Variants in OPHN1 observed in about 807,000 individuals in gnomAD.
OPHN1 encodes oligophrenin 1.
In OPHN1, 11 loss-of-function variants were observed where a neutral mutation model predicts 60.7. That is an observed-to-expected ratio of 0.18 (90% CI 0.11 to 0.30). The LOEUF (loss-of-function observed/expected upper bound fraction) is 0.30. OPHN1 is among the 10% of genes least tolerant of loss of function. The pLI is 1.00. For synonymous variants in OPHN1, 226 were observed against 222.6 expected, an observed-to-expected ratio of 1.02 and a Z score of -0.14; for missense variants, 449 against 611.0, an observed-to-expected ratio of 0.73 and a Z score of 2.80.
intron 15 of OPHN1, among the ~76,000 whole-genome samples, chrX:68,155,474 T>C (rs959664057): frequency 5.4e-5 from 6 of 112,068 alleles, no homozygotes; most frequent in Admixed American, 9.4e-5. Flanking sequence ...AGAAGGTCCT[T>C]GCTTCCCCTT....
rs1173184074 is a variant in OPHN1 at position 68,045,931 on chromosome X, G to A, written c.*1241C>T. 3.6e-5 allele frequency: 4 copies of A among 111,753 alleles called. No homozygotes were observed. Among genetic ancestry groups the A allele is most frequent in the Non-Finnish European group, 7.5e-5 (4 of 53,161 alleles). 9.2% of individuals were successfully genotyped at this position (111,753 alleles called of 1,213,427 possible). A position where few individuals can be genotyped will look rare whatever the true frequency, so the allele number is the denominator to read the frequency against. ...CTGGGACCTGAGATCTTGTACTGGT[G>A]TGATCACTACCTTGCTCTGCCTCAG... On this transcript the variant is annotated 3_prime_UTR_variant, in exon 25 of 25. Transcript: ENST00000355520.
chrX:68,357,498 C>T lies in OPHN1; in HGVS notation c.155-58402G>A, dbSNP rs552119608. 2.4e-4 allele frequency among the ~76,000 whole-genome samples: 26 copies of T among 108,303 alleles called. No individual in the cohort carries two copies. In the South Asian group the frequency reaches 8.3e-3, roughly 35 times the overall value. The allele number at this position is 108,303 out of a possible 115,157, so 94.0% of individuals were successfully genotyped here. A position where few individuals can be genotyped will look rare whatever the true frequency, so the allele number is the denominator to read the frequency against. The stretch of plus-strand genomic sequence containing the variant: ...ATTCCCACCTATGAGTGAGAACATG[C>T]GGCGTTTGGTTTTTTGTCCTTGCGA... On this transcript the variant is annotated intron_variant, in intron 2 of 24. Coordinates refer to ENST00000355520, the MANE Select transcript of OPHN1 (RefSeq NM_002547.3).
chrX:68,252,569 G>C (rs2077841440), intron 5 of OPHN1, among the ~76,000 whole-genome samples: 1 of 111,972 alleles, frequency 8.9e-6, no homozygotes, highest in Non-Finnish European at 1.9e-5. Flanking sequence ...CTGCATCATA[G>C]AGTTGTCGAA....
intron 2 of OPHN1, among the ~76,000 whole-genome samples, chrX:68,341,537 T>G (rs902731902): frequency 9.0e-6 from 1 of 111,697 alleles, no homozygotes; most frequent in Non-Finnish European, 1.9e-5. Context: ...TTAAAACAGA[T>G]TTAAGAAACA....
chrX:68,281,360 G>A lies in OPHN1; in HGVS notation c.312+1696C>T, dbSNP rs1262213502. ...TCAAAAAACAGTGTTGGAGCAACTGGATATCCACATGCAAAACAGTGAATC... is the reference window on the plus strand; with the variant it reads ...TCAAAAAACAGTGTTGGAGCAACTGAATATCCACATGCAAAACAGTGAATC... On this transcript the variant is annotated intron_variant, in intron 4 of 24. Coordinates refer to ENST00000355520, the MANE Select transcript of OPHN1 (RefSeq NM_002547.3). Among the ~76,000 whole-genome samples the A allele has an allele frequency of 4.5e-5, 5 of 112,020 alleles. No individual in the cohort carries two copies. The East Asian group carries it at 1.4e-3, about 31-fold the overall frequency.
At chrX:68,231,248 G>C (rs1234231304) in intron 6 of OPHN1, among the ~76,000 whole-genome samples, 1 of 111,765 alleles carries the variant, frequency 8.9e-6, no homozygotes, top group Non-Finnish European at 1.9e-5. Context: ...GTACATATTA[G>C]GTTGGTGCAA....
intron 2 of OPHN1, among the ~76,000 whole-genome samples, chrX:68,357,989 A>G (rs2078450937): frequency 9.1e-6 from 1 of 109,651 alleles, no homozygotes; most frequent in African/African-American, 3.3e-5. Context: ...TACTAATTAC[A>G]TTAAGAAATA....
intron 2 of OPHN1, among the ~76,000 whole-genome samples, chrX:68,423,171 G>A (rs971991993): frequency 9.0e-5 from 10 of 110,847 alleles, no homozygotes; most frequent in South Asian, 3.8e-4. Flanking sequence ...GACTACAGGC[G>A]CCCACCACCA....
intron 2 of OPHN1, among the ~76,000 whole-genome samples, chrX:68,374,519 G>A (rs944301849): frequency 2.7e-5 from 3 of 110,366 alleles, no homozygotes; most frequent in African/African-American, 6.6e-5. Context: ...TGGCATGATC[G>A]TAGCTCACTG....
chrX:68,302,276 C>T (rs754847660), intron 2 of OPHN1, among the ~76,000 whole-genome samples: 1 of 111,870 alleles, frequency 8.9e-6, no homozygotes, highest in Non-Finnish European at 1.9e-5. Flanking sequence ...ATACATAACC[C>T]GAGTGCCACA....
At chrX:68,276,508 C>T (rs1209045958) in intron 4 of OPHN1, among the ~76,000 whole-genome samples, 2 of 111,602 alleles carry the variant, frequency 1.8e-5, no homozygotes, top group African/African-American at 6.5e-5. Flanking sequence ...CAGTGACTCT[C>T]CTTAATTGAA....
upstream of OPHN1, chrX:68,433,694 C>A (rs1050959538): frequency 2.0e-5 from 6 of 295,893 alleles, no homozygotes; most frequent in African/African-American, 1.6e-4. Context: ...AGGGAGCCGG[C>A]CGGCCGGCCG....
At chrX:68,219,323 T>C (rs1488404182) in intron 6 of OPHN1, among the ~76,000 whole-genome samples, 1 of 86,570 alleles carries the variant, frequency 1.2e-5, no homozygotes, top group Admixed American at 1.4e-4. Flanking sequence ...TCCCACACAT[T>C]AATAATGGGA....
chrX:68,280,235 A>G (rs1183131797), intron 4 of OPHN1, among the ~76,000 whole-genome samples: 1 of 112,160 alleles, frequency 8.9e-6, no homozygotes, highest in Non-Finnish European at 1.9e-5. Context: ...AACTAAAGAT[A>G]ACTAAAAACC....
chrX:68,173,472 C>T (rs1473532628), intron 15 of OPHN1, among the ~76,000 whole-genome samples: 1 of 111,125 alleles, frequency 9.0e-6, no homozygotes, highest in Non-Finnish European at 1.9e-5. Flanking sequence ...CAAGCATCTG[C>T]CAGTATAAAA....
At chrX:68,174,756 A>G (rs953464673) in intron 15 of OPHN1, among the ~76,000 whole-genome samples, 2 of 110,228 alleles carry the variant, frequency 1.8e-5, no homozygotes, top group Non-Finnish European at 3.8e-5. Flanking sequence ...ACAGGTATGA[A>G]TCGCTCAGCC....
intron 18 of OPHN1, among the ~76,000 whole-genome samples, chrX:68,107,505 C>T (rs1485801402): frequency 1.8e-5 from 2 of 111,761 alleles, no homozygotes; most frequent in African/African-American, 3.3e-5. Flanking sequence ...TTAGGAGGTA[C>T]ATAAGGTGGT....
chrX:68,288,159 T>C (rs779938716), intron 3 of OPHN1, among the ~76,000 whole-genome samples: 46 of 111,627 alleles, frequency 4.1e-4, no homozygotes, highest in Non-Finnish European at 7.7e-4. Flanking sequence ...GATTCTAAGA[T>C]TGTAATCACT....
chrX:68,180,854 G>A (rs1315064507), intron 15 of OPHN1, among the ~76,000 whole-genome samples: 1 of 111,972 alleles, frequency 8.9e-6, no homozygotes, highest in Non-Finnish European at 1.9e-5. Context: ...TGCTTATCAA[G>A]CAGTCCTCAT....
Sources: allele counts gnomAD v4.1 joint callset (sites outside exome capture counted in the v4.1 genomes callset), GRCh38; gene constraint gnomAD v4.1.1; transcripts MANE v1.5; gene names NCBI Gene and HGNC (gene_info 2026-07-23, HGNC 2026-07-21).